STK10: variants seen among roughly 807,000 people sequenced by gnomAD.
STK10 encodes the protein serine/threonine kinase 10.
A neutral mutation model predicts 113.8 loss-of-function variants in STK10; 78 were observed. The observed-to-expected ratio is 0.69, with a 90% CI of 0.57 to 0.83. The LOEUF (loss-of-function observed/expected upper bound fraction) is 0.83. STK10 is among the 40% of genes least tolerant of loss of function. The probability of loss-of-function intolerance (pLI) is 0.00; values close to 1 mark genes in which losing one functional copy is unlikely to be tolerated. For missense variants in STK10, 1,109 were observed against 1,280.1 expected (o/e 0.87, Z 2.04); for synonymous variants, 465 against 494.7 (o/e 0.94, Z 0.80).
chr5:172,064,148 G>A (rs187534734), intron 13 of STK10, among the ~76,000 whole-genome samples: 353 of 152,244 alleles, frequency 2.3e-3, no homozygotes, highest in Non-Finnish European at 4.2e-3. Flanking sequence ...AGCCTCGCTG[G>A]GAGGCCACTG....
At chr5:172,113,687 C>T (rs754675020) in intron 4 of STK10, among the ~76,000 whole-genome samples, 4 of 152,146 alleles carry the variant, frequency 2.6e-5, no homozygotes, top group Non-Finnish European at 4.4e-5. Flanking sequence ...GAGGCTGAGG[C>T]AGGCAGATCA....
At chr5:172,169,740 G>A (rs1162750979) in intron 1 of STK10, among the ~76,000 whole-genome samples, 1 of 152,094 alleles carries the variant, frequency 6.6e-6, no homozygotes, top group Non-Finnish European at 1.5e-5. Flanking sequence ...CAATCCTGTA[G>A]CCAATAAAGT....
At position 172,057,144 on chromosome 5, in the gene STK10, G is replaced by A. The variant is rs1581133605; in HGVS notation, c.2337+205C>T. On this transcript the variant is annotated intron_variant, in intron 15 of 18. Coordinates refer to ENST00000176763, the MANE Select transcript of STK10 (RefSeq NM_005990.4). Reference sequence around the variant, plus strand: ...CTTGGGCCATTGGCTTCCCTGCATCGTTTCCCCTATTCCTAGCCCCTTGAG... The same window carrying A: ...CTTGGGCCATTGGCTTCCCTGCATCATTTCCCCTATTCCTAGCCCCTTGAG... The A allele has an allele frequency of 1.5e-5, 9 of 611,408 alleles. 1 individual carries two copies. In the East Asian group the frequency reaches 2.2e-4, roughly 15 times the overall value. 37.9% of individuals were successfully genotyped at this position (611,408 alleles called of 1,614,324 possible). A position where few individuals can be genotyped will look rare whatever the true frequency, so the allele number is the denominator to read the frequency against.
At chr5:172,090,893 C>A (rs1019768120) in intron 9 of STK10, among the ~76,000 whole-genome samples, 1 of 147,402 alleles carries the variant, frequency 6.8e-6, no homozygotes, top group Admixed American at 7.0e-5. Flanking sequence ...TTAGATCACG[C>A]CACTGCACTC....
At chr5:172,123,627 G>C (rs1253555688) in intron 3 of STK10, among the ~76,000 whole-genome samples, 1 of 152,156 alleles carries the variant, frequency 6.6e-6, no homozygotes, top group East Asian at 1.9e-4. Flanking sequence ...TACCCAGCTA[G>C]AAAACCACAT....
chr5:172,074,553 T>C (rs1415915063), intron 12 of STK10, among the ~76,000 whole-genome samples: 1 of 152,158 alleles, frequency 6.6e-6, no homozygotes, highest in African/African-American at 2.4e-5. Flanking sequence ...TTATATCTTA[T>C]ATAACAATGA....
chr5:172,055,797 G>T, intron 15 of STK10, 21 bp from the exon 16 acceptor site: 1 of 1,443,096 alleles, frequency 6.9e-7, no homozygotes. Context: ...ATATCCAGAG[G>T]GGCTGAGGGC....
At position 172,042,937 on chromosome 5, in the gene STK10, C is replaced by T. The variant is rs1353497112; in HGVS notation, c.*1945G>A. 3 of 152,132 alleles carry T rather than the reference C, an allele frequency of 2.0e-5. No individual in the cohort carries two copies. The East Asian group carries it at 5.8e-4, about 29-fold the overall frequency. The allele number at this position is 152,132 out of a possible 1,614,324, so 9.4% of individuals were successfully genotyped here. On this transcript the variant is annotated 3_prime_UTR_variant, in exon 19 of 19. Coordinates refer to ENST00000176763, the MANE Select transcript of STK10 (RefSeq NM_005990.4). ...TGTTGAGAAAATTTCCAGGGAATTG[C>T]TTTAGAAAGACAGAGTATACAGAAC...
intron 12 of STK10, among the ~76,000 whole-genome samples, chr5:172,075,501 A>AC: frequency 6.6e-6 from 1 of 152,156 alleles, no homozygotes; most frequent in East Asian, 1.9e-4. Flanking sequence ...ACATGGTGAA[A>AC]CCCCATCTCT....
In STK10 at chr5:172,120,696, A is replaced by C. The variant is rs1407986768; in HGVS notation, c.371-3066T>G. 1.3e-5 allele frequency among the ~76,000 whole-genome samples: 2 copies of C among 152,182 alleles called. No homozygotes were observed. The highest frequency in any genetic ancestry group is 3.8e-4 in the East Asian group (2 of 5,196). On this transcript the variant is annotated intron_variant, in intron 3 of 18. Coordinates refer to ENST00000176763, the MANE Select transcript of STK10 (RefSeq NM_005990.4). The surrounding 1 kb of genome is among the most constrained non-coding windows in gnomAD (Gnocchi z 4.0). ...CAGCCATCAGCCATGTTCAGTTCTC[A>C]GTGTGGAAAATAGGCAATAAAGGGG...
intron 2 of STK10, among the ~76,000 whole-genome samples, chr5:172,153,198 A>C (rs1246598491): frequency 5.3e-5 from 8 of 152,108 alleles, no homozygotes; most frequent in African/African-American, 1.9e-4. Flanking sequence ...AGGCAAGAGA[A>C]TCTCTTGAAC....
At position 172,054,545 on chromosome 5, in the gene STK10, G is replaced by C. The variant is rs1036385581; in HGVS notation, c.2652+24C>G. 6 of 1,599,512 alleles carry C rather than the reference G, an allele frequency of 3.8e-6. No individual in the cohort carries two copies. In the African/African-American group the frequency reaches 6.7e-5, roughly 18 times the overall value. ...GGAAACTGAGGCAGCCTGGGGGCAG[G>C]GGCAGGGGCAGGCAGGGCGGTACCT... On this transcript the variant is annotated intron_variant, in intron 17 of 18. Coordinates refer to ENST00000176763, the MANE Select transcript of STK10 (RefSeq NM_005990.4).
chr5:172,174,577 G>A (rs1770720161), intron 1 of STK10, among the ~76,000 whole-genome samples: 2 of 152,132 alleles, frequency 1.3e-5, no homozygotes, highest in South Asian at 4.1e-4. Context: ...CACATCTGCT[G>A]GAGGGGACAG....
intron 1 of STK10, among the ~76,000 whole-genome samples, chr5:172,182,043 GC>G: frequency 6.6e-6 from 1 of 151,938 alleles, no homozygotes; most frequent in African/African-American, 2.4e-5. Context: ...GGTGGCTCAC[GC>G]CTGTAATCCC....
chr5:172,051,229 A>T (rs570050892), intron 18 of STK10, among the ~76,000 whole-genome samples: 2 of 152,322 alleles, frequency 1.3e-5, no homozygotes, highest in East Asian at 3.9e-4. Flanking sequence ...ACATTTCATT[A>T]TACAATATTT....
intron 15 of STK10, among the ~76,000 whole-genome samples, chr5:172,056,568 AAAAG>A (rs1767764752): frequency 6.6e-6 from 1 of 152,110 alleles, no homozygotes; most frequent in Non-Finnish European, 1.5e-5. Context: ...AAAAAAGAGC[AAAAG>A]AAAGACACAC....
chr5:172,060,375 C>G (rs563036646), intron 14 of STK10, among the ~76,000 whole-genome samples: 554 of 152,306 alleles, frequency 3.6e-3, no homozygotes, highest in Non-Finnish European at 6.6e-3. Context: ...CCACTGCACT[C>G]CAGCCTTGGC....
intron 7 of STK10, among the ~76,000 whole-genome samples, chr5:172,102,252 G>A (rs561643547): frequency 5.9e-5 from 9 of 152,186 alleles, no homozygotes; most frequent in Non-Finnish European, 8.8e-5. Context: ...CAGGGACAAC[G>A]GGATTTCCTG....
At chr5:172,112,810 G>A (rs1244302281) in intron 4 of STK10, among the ~76,000 whole-genome samples, 2 of 151,076 alleles carry the variant, frequency 1.3e-5, no homozygotes, top group Admixed American at 6.6e-5. Context: ...GCAATGGCAC[G>A]ATCTCGGCTC....
Sources: allele counts gnomAD v4.1 joint callset (sites outside exome capture counted in the v4.1 genomes callset), GRCh38; gene constraint gnomAD v4.1.1; non-coding constraint Gnocchi (gnomAD v3.1); transcripts MANE v1.5; gene names NCBI Gene and HGNC (gene_info 2026-07-23, HGNC 2026-07-21).